Variants in CPB2 observed in about 807,000 individuals in gnomAD.
CPB2 encodes carboxypeptidase B-like protein.
Under a neutral mutation model 57.0 loss-of-function variants are expected in CPB2, and 54 were observed. The observed-to-expected ratio is 0.95, with a 90% confidence interval of 0.76 to 1.19. CPB2 has a LOEUF of 1.19. Among genes scored for constraint, CPB2 ranks in the 50% most tolerant of loss-of-function variants. The pLI, the probability that CPB2 is intolerant of heterozygous loss-of-function variation, is 0.00. For missense variants in CPB2, 426 were observed against 512.0 expected (o/e 0.83, Z 1.62); for synonymous variants, 189 against 178.1 (o/e 1.06, Z -0.49).
chr13:46,096,784 A>C (rs1043358401), intron 1 of CPB2, among the ~76,000 whole-genome samples: 9 of 152,160 alleles, frequency 5.9e-5, no homozygotes, highest in Non-Finnish European at 1.2e-4. Flanking sequence ...ATCTCAAAAA[A>C]GAAAAAAAAA....
At chr13:46,077,399 G>C (rs2045039091) in intron 5 of CPB2, among the ~76,000 whole-genome samples, 1 of 152,126 alleles carries the variant, frequency 6.6e-6, no homozygotes, top group South Asian at 2.1e-4. Flanking sequence ...AGTTAAAATG[G>C]CTTTTATCCA....
chr13:46,096,385 C>T (rs1320448928), intron 1 of CPB2: 1 of 152,316 alleles, frequency 6.6e-6, no homozygotes, highest in Non-Finnish European at 1.5e-5. Flanking sequence ...CAGCTAATCC[C>T]ATCTTGGTGT....
Position 46,104,972 on chromosome 13 carries a change from A to G in CPB2, c.38T>C (p.Val13Ala), listed in dbSNP as rs1267556089. The change falls in exon 1 of 11, where the codon GTT (valine) becomes GCT (alanine). Residue 13 changes from valine (V) to alanine (A), a missense_variant. Val to Ala is a moderately conservative substitution (Grantham distance 64). Coordinates refer to ENST00000181383, the MANE Select transcript of CPB2 (RefSeq NM_001872.5). ...LCSLAVLVPI[V>A]LFCEQHVFAF... Reference sequence around the variant, plus strand: ...GAAGACATGCTGCTCACAGAAGAGAACAATGGGTACAAGGACTGCAAGGCT... The same window carrying G: ...GAAGACATGCTGCTCACAGAAGAGAGCAATGGGTACAAGGACTGCAAGGCT... 2.5e-6 allele frequency: 4 copies of G among 1,614,036 alleles called. No individual in the cohort carries two copies. Among genetic ancestry groups the G allele is most frequent in the East Asian group, 4.5e-5 (2 of 44,890 alleles).
At chr13:46,096,798 G>A (rs1363933511) in intron 1 of CPB2, among the ~76,000 whole-genome samples, 1 of 152,038 alleles carries the variant, frequency 6.6e-6, no homozygotes, top group Non-Finnish European at 1.5e-5. Flanking sequence ...AAAAAAAAGT[G>A]AAGTGGTGCT....
At chr13:46,093,008 G>C (rs1288255688) in intron 1 of CPB2, among the ~76,000 whole-genome samples, 1 of 152,164 alleles carries the variant, frequency 6.6e-6, no homozygotes, top group African/African-American at 2.4e-5. Context: ...CACCTTCTGG[G>C]TTCAAGCGAT....
At chr13:46,104,403 T>A (rs563797848) in intron 1 of CPB2, among the ~76,000 whole-genome samples, 1 of 152,358 alleles carries the variant, frequency 6.6e-6, no homozygotes, top group South Asian at 2.1e-4. Flanking sequence ...AGATAGTTTA[T>A]CCTAAGGGAA....
At chr13:46,094,539 T>A (rs942249020) in intron 1 of CPB2, among the ~76,000 whole-genome samples, 1 of 152,196 alleles carries the variant, frequency 6.6e-6, no homozygotes, top group African/African-American at 2.4e-5. Flanking sequence ...ATTACAGAAC[T>A]GAGCTCTCTG....
intron 2 of CPB2, among the ~76,000 whole-genome samples, chr13:46,084,599 T>C (rs2045171579): frequency 6.6e-6 from 1 of 152,124 alleles, no homozygotes; most frequent in Admixed American, 6.5e-5. Context: ...CCATAAATAT[T>C]TGATGAGACA....
intron 3 of CPB2, 26 bp downstream of exon 3, chr13:46,084,193 C>T (rs1392520397): frequency 6.2e-7 from 1 of 1,613,098 alleles, no homozygotes; most frequent in Non-Finnish European, 8.5e-7. Flanking sequence ...ATAATAACTA[C>T]TCAATACGTA....
chr13:46,054,586 T>C (rs2044666250), intron 10 of CPB2, among the ~76,000 whole-genome samples: 1 of 152,102 alleles, frequency 6.6e-6, no homozygotes, highest in Non-Finnish European at 1.5e-5. Flanking sequence ...CTAAATTGAG[T>C]CCAGGTTTAT....
chr13:46,079,665 T>G (rs1719998156), intron 4 of CPB2, among the ~76,000 whole-genome samples: 1 of 152,192 alleles, frequency 6.6e-6, no homozygotes, highest in African/African-American at 2.4e-5. Flanking sequence ...GGGTTATGTT[T>G]TAATTTGGAC....
At position 46,087,112 on chromosome 13, in the gene CPB2, T is replaced by C. The variant is rs7328645; in HGVS notation, c.150+633A>G. 2.0e-3 allele frequency among the ~76,000 whole-genome samples: 302 copies of C among 152,268 alleles called. 1 individual carries two copies. Among genetic ancestry groups the C allele is most frequent in the African/African-American group, 7.0e-3 (291 of 41,578 alleles). On this transcript the variant is annotated intron_variant, in intron 2 of 10. Transcript: ENST00000181383. The stretch of plus-strand genomic sequence containing the variant: ...CCAGGAGGGCAGGGCTCCTGCCTGC[T>C]CCTGGCCCCCAAGAGCACAGGGATG...
intron 2 of CPB2, 152 bp downstream of exon 2, chr13:46,087,593 C>A (rs988583564): frequency 8.2e-6 from 5 of 607,396 alleles, no homozygotes; most frequent in African/African-American, 7.5e-5. Flanking sequence ...GGGGAACCAA[C>A]AAAATCATGT....
At chr13:46,066,668 C>A (rs560732026) in intron 7 of CPB2, among the ~76,000 whole-genome samples, 9 of 151,974 alleles carry the variant, frequency 5.9e-5, no homozygotes, top group South Asian at 2.1e-4. Context: ...TATGGTGAAA[C>A]CCTGTCTCTA....
rs1219607340 is a variant in CPB2 at position 46,097,455 on chromosome 13, C to T, written c.74+7481G>A. 2.6e-5 allele frequency: 4 copies of T among 152,202 alleles called. 1 individual carries two copies. The highest frequency in any genetic ancestry group is 5.9e-5 in the Non-Finnish European group (4 of 68,056). 9.4% of individuals were successfully genotyped at this position (152,202 alleles called of 1,614,324 possible). ...CTGGGTATGGGTTTATCTCGCCTGC[C>T]TGTAGGGCCTCAGGCAAGCATCACC... On this transcript the variant is annotated intron_variant, in intron 1 of 10. Coordinates refer to ENST00000181383, the MANE Select transcript of CPB2 (RefSeq NM_001872.5).
intron 7 of CPB2, 78 bp from the exon 8 acceptor site, chr13:46,064,819 A>G (rs776717138): frequency 1.7e-5 from 19 of 1,132,768 alleles, no homozygotes; most frequent in Middle Eastern, 1.9e-4. Context: ...TTGAAAGTCC[A>G]TGAAGCCAGA....
At chr13:46,085,423 T>C (rs1024941688) in intron 2 of CPB2, among the ~76,000 whole-genome samples, 1 of 152,176 alleles carries the variant, frequency 6.6e-6, no homozygotes, top group Admixed American at 6.5e-5. Flanking sequence ...GTGTTTTCAG[T>C]GGCTGCCCTG....
intron 1 of CPB2, among the ~76,000 whole-genome samples, chr13:46,089,082 T>A (rs1221237724): frequency 1.3e-5 from 2 of 152,082 alleles, no homozygotes; most frequent in Non-Finnish European, 1.5e-5. Context: ...CTTCTGTCCT[T>A]CTTATTTAAA....
chr13:46,079,912 TACC>T (rs2045085892), intron 4 of CPB2, among the ~76,000 whole-genome samples: 1 of 152,204 alleles, frequency 6.6e-6, no homozygotes, highest in African/African-American at 2.4e-5. Flanking sequence ...TGCCACCAAG[TACC>T]GACCCTGTCA....
Sources: allele counts gnomAD v4.1 joint callset (sites outside exome capture counted in the v4.1 genomes callset), GRCh38; gene constraint gnomAD v4.1.1; transcripts MANE v1.5; gene names NCBI Gene and HGNC (gene_info 2026-07-23, HGNC 2026-07-21).